Variants in SCN9A observed in about 807,000 individuals in gnomAD.
SCN9A encodes sodium voltage-gated channel alpha subunit 9.
SCN9A carries 131 observed loss-of-function variants against 187.0 expected under a neutral mutation model. The ratio of observed to expected loss-of-function variants is 0.70; its 90% CI spans 0.61 to 0.81. The LOEUF is 0.81. SCN9A is among the 30% of genes least tolerant of loss of function. The pLI, the probability that SCN9A is intolerant of heterozygous loss-of-function variation, is 0.00. For synonymous variants in SCN9A, 809 were observed against 808.6 expected (o/e 1.00, Z -0.01); for missense variants, 2,252 against 2,396.6 (o/e 0.94, Z 1.26).
Position 166,344,853 on chromosome 2 carries a change from G to A in SCN9A, c.-51+30844C>T, listed in dbSNP as rs75468572. Among the ~76,000 whole-genome samples, 20 of 152,276 alleles carry A rather than the reference G, an allele frequency of 1.3e-4. No homozygotes were observed. In the East Asian group the frequency reaches 3.7e-3, roughly 28 times the overall value. On this transcript the variant is annotated intron_variant, in intron 1 of 26. Transcript: ENST00000642356. ...AAACCCAAAATATGTGGGAGGAGAAGGCCATGAAACATAAAATCCTCTGCC... is the reference window on the plus strand; with the variant it reads ...AAACCCAAAATATGTGGGAGGAGAAAGCCATGAAACATAAAATCCTCTGCC...
At position 166,210,209 on chromosome 2, in the gene SCN9A, A is replaced by G. The variant is rs547323245; in HGVS notation, c.4399-5745T>C. On this transcript the variant is annotated intron_variant, in intron 24 of 26. Coordinates refer to ENST00000642356, the MANE Select transcript of SCN9A (RefSeq NM_001365536.1). ...ATTCTCAGCAAACTATCGCAAGGAAAAAAACCAAACACTGCACTTTCTCAC... is the reference window on the plus strand; with the variant it reads ...ATTCTCAGCAAACTATCGCAAGGAAGAAAACCAAACACTGCACTTTCTCAC... 5.9e-5 allele frequency among the ~76,000 whole-genome samples: 9 copies of G among 152,264 alleles called. No individual in the cohort carries two copies. In the South Asian group the frequency reaches 1.9e-3, roughly 32 times the overall value.
intron 16 of SCN9A, among the ~76,000 whole-genome samples, chr2:166,273,904 G>A (rs1697113270): frequency 6.6e-6 from 1 of 152,094 alleles, no homozygotes; most frequent in Non-Finnish European, 1.5e-5. Flanking sequence ...AAAGACAGCA[G>A]GCTAAAATTG....
chr2:166,271,509 T>A (rs1337423337), intron 17 of SCN9A, among the ~76,000 whole-genome samples: 1 of 151,990 alleles, frequency 6.6e-6, no homozygotes, highest in East Asian at 1.9e-4. Context: ...ATAGAGCTGG[T>A]CAAAGCTGGT....
At chr2:166,342,671 C>A (rs11899120) in intron 1 of SCN9A, among the ~76,000 whole-genome samples, 80 of 150,684 alleles carry the variant, frequency 5.3e-4, no homozygotes, top group African/African-American at 2.0e-3. Flanking sequence ...AAATTATAAA[C>A]AATCTACACA....
At chr2:166,229,759 G>A (rs542184058) in intron 21 of SCN9A, among the ~76,000 whole-genome samples, 1 of 152,086 alleles carries the variant, frequency 6.6e-6, no homozygotes, top group Non-Finnish European at 1.5e-5. Flanking sequence ...CTGCTTTTCA[G>A]CATTTGTACT....
intron 9 of SCN9A, among the ~76,000 whole-genome samples, chr2:166,289,294 G>C (rs1269834473): frequency 6.6e-6 from 1 of 151,230 alleles, no homozygotes; most frequent in Non-Finnish European, 1.5e-5. Context: ...CCATCAACCT[G>C]TTACCTACAT....
At chr2:166,351,241 G>A (rs1206754681) in intron 1 of SCN9A, among the ~76,000 whole-genome samples, 1 of 152,064 alleles carries the variant, frequency 6.6e-6, no homozygotes, top group Non-Finnish European at 1.5e-5. Flanking sequence ...AAATGAGAAA[G>A]TCAGAAACAT....
chr2:166,348,476 C>A (rs928124126), intron 1 of SCN9A, among the ~76,000 whole-genome samples: 2 of 152,168 alleles, frequency 1.3e-5, no homozygotes, highest in African/African-American at 4.8e-5. Flanking sequence ...TAAACCCTTT[C>A]CCTTTGCTTT....
At position 166,195,515 on chromosome 2, in the gene SCN9A, C is replaced by T. The variant is rs1038958998; in HGVS notation, c.*3157G>A. 3 of 152,174 alleles carry T rather than the reference C, an allele frequency of 2.0e-5. No homozygotes were observed. The highest frequency in any genetic ancestry group is 7.2e-5 in the African/African-American group (3 of 41,446). 9.4% of individuals were successfully genotyped at this position (152,174 alleles called of 1,614,324 possible). On this transcript the variant is annotated 3_prime_UTR_variant, in exon 27 of 27. Coordinates refer to ENST00000642356, the MANE Select transcript of SCN9A (RefSeq NM_001365536.1). Reference sequence around the variant, plus strand: ...CTAATTTAGTTGGCCCTTCTTTCAGCACTTCTATTAACATTTCTCTGAAAT... The same window carrying T: ...CTAATTTAGTTGGCCCTTCTTTCAGTACTTCTATTAACATTTCTCTGAAAT...
intron 9 of SCN9A, 93 bp from the exon 10 acceptor site, chr2:166,288,736 G>T: frequency 1.1e-6 from 1 of 871,188 alleles, no homozygotes; most frequent in Non-Finnish European, 1.7e-6. Context: ...TGACAGTTTG[G>T]TATAATCTCA....
At chr2:166,326,552 C>T (rs1359724333) in intron 1 of SCN9A, among the ~76,000 whole-genome samples, 1 of 152,152 alleles carries the variant, frequency 6.6e-6, no homozygotes, top group Non-Finnish European at 1.5e-5. Flanking sequence ...ATAAATGCTA[C>T]ACAACACAGA....
Position 166,196,384 on chromosome 2 carries a change from T to C in SCN9A, c.*2288A>G. 6.6e-6 allele frequency: 1 copy of C among 151,954 alleles called. No individual in the cohort carries two copies. The highest frequency in any genetic ancestry group is 2.1e-4 in the South Asian group (1 of 4,820). The allele number at this position is 151,954 out of a possible 1,614,324, so 9.4% of individuals were successfully genotyped here. ...TTAAAAAAAAACATAGTTCATGAAA[T>C]AGGAAAAAGAACAACTTTATATATA... On this transcript the variant is annotated 3_prime_UTR_variant, in exon 27 of 27. Coordinates refer to ENST00000642356, the MANE Select transcript of SCN9A (RefSeq NM_001365536.1).
At chr2:166,229,108 G>A (rs980536642) in intron 21 of SCN9A, 136 bp from the exon 22 acceptor site, 58 of 643,928 alleles carry the variant, frequency 9.0e-5, no homozygotes, top group African/African-American at 2.7e-4. Flanking sequence ...CCAACCAGCC[G>A]ACTCATGTTT....
chr2:166,220,719 G>A (rs1201916312), intron 24 of SCN9A, among the ~76,000 whole-genome samples: 1 of 152,096 alleles, frequency 6.6e-6, no homozygotes, highest in African/African-American at 2.4e-5. Flanking sequence ...CGTATTCAAT[G>A]GTGAAAAACT....
intron 7 of SCN9A, chr2:166,302,257 T>G (rs1414538196): frequency 7.0e-6 from 1 of 143,660 alleles, no homozygotes; most frequent in Admixed American, 6.7e-5. Flanking sequence ...CTTGATCATA[T>G]CTTCATCCAA....
chr2:166,281,054 A>C (rs1697463826), intron 13 of SCN9A, among the ~76,000 whole-genome samples: 1 of 152,146 alleles, frequency 6.6e-6, no homozygotes, highest in Admixed American at 6.6e-5. Context: ...AACTAGAAAT[A>C]ATTTATGGAG....
chr2:166,330,593 C>T (rs947461208), intron 1 of SCN9A, among the ~76,000 whole-genome samples: 1 of 152,152 alleles, frequency 6.6e-6, no homozygotes, highest in African/African-American at 2.4e-5. Flanking sequence ...AGTCCCCAAC[C>T]TTCTTGGAAC....
At chr2:166,330,591 A>G (rs988998107) in intron 1 of SCN9A, among the ~76,000 whole-genome samples, 6 of 152,224 alleles carry the variant, frequency 3.9e-5, no homozygotes, top group African/African-American at 1.4e-4. Context: ...GCAGTCCCCA[A>G]CCTTCTTGGA....
chr2:166,341,001 A>C (rs1699772339), intron 1 of SCN9A, among the ~76,000 whole-genome samples: 1 of 152,074 alleles, frequency 6.6e-6, no homozygotes, highest in Non-Finnish European at 1.5e-5. Context: ...TATTTTTATA[A>C]CTGCATTTCT....
Sources: gnomAD v4.1 joint callset for allele counts (sites outside exome capture counted in the v4.1 genomes callset) on GRCh38, gnomAD v4.1.1 for gene constraint, MANE v1.5 for transcripts, NCBI Gene and HGNC (gene_info 2026-07-23, HGNC 2026-07-21) for gene names.